GNB5: variants seen among roughly 807,000 people sequenced by gnomAD.
The protein encoded by GNB5 is guanine nucleotide-binding protein subunit beta-5.
Under a neutral mutation model 55.3 loss-of-function variants are expected in GNB5, and 37 were observed. That is an observed-to-expected ratio of 0.67 (90% CI 0.51 to 0.88). The LOEUF is 0.88. GNB5 is among the 40% of genes least tolerant of loss of function. The pLI is 0.00. For missense variants in GNB5, 476 were observed against 515.3 expected, an observed-to-expected ratio of 0.92 and a Z score of 0.74; for synonymous variants, 219 against 198.5, an observed-to-expected ratio of 1.10 and a Z score of -0.87.
At chr15:52,163,220 T>A (rs1351569983) in intron 3 of GNB5, among the ~76,000 whole-genome samples, 1 of 152,184 alleles carries the variant, frequency 6.6e-6, no homozygotes, top group African/African-American at 2.4e-5. Context: ...CCGAGGGCCT[T>A]GGGTCTAAAG....
At chr15:52,147,296 C>T in intron 6 of GNB5, 163 bp downstream of exon 6, 2 of 575,398 alleles carry the variant, frequency 3.5e-6, no homozygotes, top group Non-Finnish European at 6.4e-6. Context: ...CACCACTGTG[C>T]TGGCTTATGG....
In GNB5 at chr15:52,120,861, G is replaced by C. The variant is rs967925655; in HGVS notation, c.*1896C>G. Reference sequence around the variant, plus strand: ...TCTGGGCTCCCTGGAGGAAGGCAGAGGCCCTTCATTTTTCTCTCTCTACCC... The same window carrying C: ...TCTGGGCTCCCTGGAGGAAGGCAGACGCCCTTCATTTTTCTCTCTCTACCC... On this transcript the variant is annotated 3_prime_UTR_variant, in exon 13 of 13. Transcript: ENST00000261837. 1.3e-5 allele frequency: 2 copies of C among 152,260 alleles called. No homozygotes were observed. The highest frequency in any genetic ancestry group is 4.1e-4 in the South Asian group (2 of 4,824). 9.4% of individuals were successfully genotyped at this position (152,260 alleles called of 1,614,324 possible). A position where few individuals can be genotyped will look rare whatever the true frequency, so the allele number is the denominator to read the frequency against.
At chr15:52,125,597 T>G (rs2033403206) in intron 11 of GNB5, 1 of 174,008 alleles carries the variant, frequency 5.7e-6, no homozygotes, top group Non-Finnish European at 1.2e-5. Flanking sequence ...GGACTCTTGC[T>G]TCACCTCCAC....
chr15:52,125,792 G>A, intron 11 of GNB5, 156 bp downstream of exon 11: 1 of 598,306 alleles, frequency 1.7e-6, no homozygotes. Flanking sequence ...GAGGTCAGAA[G>A]CTCAGAGGAG....
rs1004984365 is a variant in GNB5, at chr15:52,136,464, G to A, written c.628-708C>T. On this transcript the variant is annotated intron_variant, in intron 7 of 12. Transcript: ENST00000261837. ...GATACTGATGCATACACATCACTGGGCTGCTTGCTAATAGAGTCTGGGGTG... is the reference window on the plus strand; with the variant it reads ...GATACTGATGCATACACATCACTGGACTGCTTGCTAATAGAGTCTGGGGTG... Among the ~76,000 whole-genome samples, 8 of 152,180 alleles carry A rather than the reference G, an allele frequency of 5.3e-5. No homozygotes were observed. In the South Asian group the frequency reaches 1.5e-3, roughly 28 times the overall value.
At position 52,124,627 on chromosome 15, in the gene GNB5, A is replaced by G. The variant is rs1350259847; in HGVS notation, c.1022T>C (p.Phe341Ser). 1.2e-6 allele frequency: 2 copies of G among 1,613,890 alleles called. No individual in the cohort carries two copies. The highest frequency in any genetic ancestry group is 2.2e-5 in the South Asian group (2 of 90,992). The change falls in exon 12 of 13, where the codon TTT becomes TCT. Residue 341 changes from phenylalanine (F) to serine (S), a missense_variant. Coordinates refer to ENST00000261837, the MANE Select transcript of GNB5 (RefSeq NM_016194.4). ...GATAGTGTAATCATTGTATCCAGCAAACAGCAGGCGACCTTGAAGCAGGGT... is the reference window on the plus strand; with the variant it reads ...GATAGTGTAATCATTGTATCCAGCAGACAGCAGGCGACCTTGAAGCAGGGT... ...VDFSLSGRLL[F>S]AGYNDYTINV...
At chr15:52,176,244 G>C (rs1054207029) in intron 3 of GNB5, among the ~76,000 whole-genome samples, 1 of 152,108 alleles carries the variant, frequency 6.6e-6, no homozygotes, top group Non-Finnish European at 1.5e-5. Flanking sequence ...CTTGCTCAAT[G>C]GGGAGCCCTG....
At position 52,189,312 on chromosome 15, in the gene GNB5, C is replaced by T. The variant is rs1439132641; in HGVS notation, c.-19+2010G>A. On this transcript the variant is annotated intron_variant, in intron 1 of 12. Transcript: ENST00000261837. Reference sequence around the variant, plus strand: ...CCCAGGATACTTGAAAATGTATGTTCACTGGCTGGGCGTGGTGGCTCATGC... The same window carrying T: ...CCCAGGATACTTGAAAATGTATGTTTACTGGCTGGGCGTGGTGGCTCATGC... Among the ~76,000 whole-genome samples the T allele has an allele frequency of 2.0e-5, 3 of 152,196 alleles. No homozygotes were observed. The East Asian group carries it at 5.8e-4, about 29-fold the overall frequency.
intron 5 of GNB5, among the ~76,000 whole-genome samples, chr15:52,148,990 A>G (rs1235820467): frequency 6.6e-6 from 1 of 152,242 alleles, no homozygotes; most frequent in Non-Finnish European, 1.5e-5. Context: ...ATAGTCCAGA[A>G]GGTGCTGAGA....
rs2033223094 is a variant in GNB5, at chr15:52,119,791, TCA to T, written c.*2964_*2965del. On this transcript the variant is annotated 3_prime_UTR_variant, in exon 13 of 13. Transcript: ENST00000261837. ...TATGTCACCAAGGCATCCCTCTAAC[TCA>T]CAGAGGAGTCCCAGTATCGGTGGTG... The T allele has an allele frequency of 6.6e-6, 1 of 151,954 alleles. No homozygotes were observed. Among genetic ancestry groups the T allele is most frequent in the Non-Finnish European group, 1.5e-5 (1 of 68,016 alleles). The allele number at this position is 151,954 out of a possible 1,614,324, so 9.4% of individuals were successfully genotyped here. A position where few individuals can be genotyped will look rare whatever the true frequency, so the allele number is the denominator to read the frequency against.
intron 8 of GNB5, among the ~76,000 whole-genome samples, chr15:52,134,118 G>C (rs1020471926): frequency 4.6e-5 from 7 of 152,210 alleles, no homozygotes; most frequent in Non-Finnish European, 8.8e-5. Context: ...CACCTATAAA[G>C]TCAATGCTCT....
chr15:52,147,703 C>T (rs1458439179), intron 5 of GNB5, among the ~76,000 whole-genome samples, 168 bp from the exon 6 acceptor site: 1 of 152,022 alleles, frequency 6.6e-6, no homozygotes, highest in Non-Finnish European at 1.5e-5. Context: ...TCTCCTATCT[C>T]AGCTTCCTAA....
At chr15:52,129,533 T>C (rs949548876) in intron 9 of GNB5, among the ~76,000 whole-genome samples, 3 of 152,202 alleles carry the variant, frequency 2.0e-5, no homozygotes, top group Non-Finnish European at 2.9e-5. Flanking sequence ...TTGAAAGCAT[T>C]ATGAATTCAT....
intron 2 of GNB5, among the ~76,000 whole-genome samples, chr15:52,184,137 A>G (rs1412365212): frequency 6.6e-6 from 1 of 152,240 alleles, no homozygotes; most frequent in Non-Finnish European, 1.5e-5. Context: ...TGTAGAAGTC[A>G]GAAGAAAAAA....
chr15:52,133,463 C>T lies in GNB5; in HGVS notation c.778G>A (p.Asp260Asn), dbSNP rs1470506538. 6.2e-7 allele frequency: 1 copy of T among 1,609,322 alleles called. No individual in the cohort carries two copies. Among genetic ancestry groups the T allele is most frequent in the Admixed American group, 1.7e-5 (1 of 60,024 alleles). The stretch of plus-strand genomic sequence containing the variant: ...ATGTCCCACACCATGGCTTTCTTGT[C>T]ACATCCCTACAAATGAAAATTAGCC... The part of the protein sequence containing the change: ...TGNTFVSGGC[D>N]KKAMVWDMRS... The change falls in exon 9 of 13, where the codon GAC becomes AAC. Residue 260 changes from aspartate (D) to asparagine (N), a missense_variant. Transcript: ENST00000261837.
intron 6 of GNB5, 190 bp downstream of exon 6, chr15:52,147,269 C>A: frequency 2.1e-6 from 1 of 481,808 alleles, no homozygotes; most frequent in Non-Finnish European, 3.8e-6. Flanking sequence ...TCCCAGGTGG[C>A]TGGGATTACA....
intron 3 of GNB5, among the ~76,000 whole-genome samples, chr15:52,154,440 G>A (rs2034166168): frequency 6.6e-6 from 1 of 152,206 alleles, no homozygotes; most frequent in African/African-American, 2.4e-5. Context: ...AGGATGGGCA[G>A]GAGAGTGAGA....
intron 6 of GNB5, among the ~76,000 whole-genome samples, chr15:52,143,356 G>T (rs1223303184): frequency 6.6e-6 from 1 of 152,146 alleles, no homozygotes; most frequent in Admixed American, 6.5e-5. Flanking sequence ...GGAAGGTTTT[G>T]CAGGGTGATG....
At chr15:52,153,121 C>T (rs2034135021) in intron 4 of GNB5, among the ~76,000 whole-genome samples, 1 of 152,198 alleles carries the variant, frequency 6.6e-6, no homozygotes, top group Admixed American at 6.5e-5. Context: ...CAACAGAATA[C>T]AACAGGAGCA....
Sources: gnomAD v4.1 joint callset for allele counts (sites outside exome capture counted in the v4.1 genomes callset) on GRCh38, gnomAD v4.1.1 for gene constraint, MANE v1.5 for transcripts, NCBI Gene and HGNC (gene_info 2026-07-23, HGNC 2026-07-21) for gene names.